GANC: variants seen among roughly 807,000 people sequenced by gnomAD.
The protein encoded by GANC is glucosidase alpha, neutral C.
GANC carries 117 observed loss-of-function variants against 124.2 expected under a neutral mutation model. The observed-to-expected ratio is 0.94, with a 90% CI of 0.81 to 1.10. GANC has a LOEUF of 1.10. Among genes scored for constraint, GANC ranks in the 50% least tolerant of loss-of-function variants. The pLI, the probability that GANC is intolerant of heterozygous loss-of-function variation, is 0.00. For synonymous variants in GANC, 377 were observed against 376.8 expected, an observed-to-expected ratio of 1.00 and a Z score of -0.01; for missense variants, 1,140 against 1,095.0, an observed-to-expected ratio of 1.04 and a Z score of -0.58.
In GANC at chr15:42,274,437, C is replaced by A. The variant is rs767951514; in HGVS notation, c.-45C>A. The A allele has an allele frequency of 4.4e-6, 7 of 1,600,958 alleles. No homozygotes were observed. The highest frequency in any genetic ancestry group is 1.3e-5 in the African/African-American group (1 of 74,758). On this transcript the variant is annotated 5_prime_UTR_variant, in exon 1 of 24. Transcript: ENST00000318010. ...GGCTTTTTTAAAAGATCGCCCAGGG[C>A]CCTTGTCCTGAGAGCTGGGAGCTGG...
At chr15:42,333,132 A>G (rs1045562972) in intron 15 of GANC, among the ~76,000 whole-genome samples, 15 of 151,562 alleles carry the variant, frequency 9.9e-5, no homozygotes, top group African/African-American at 3.6e-4. Context: ...GTTTGAGACC[A>G]GCCTGGGCAA....
intron 10 of GANC, among the ~76,000 whole-genome samples, chr15:42,312,056 A>G (rs1192360074): frequency 1.3e-5 from 2 of 152,190 alleles, no homozygotes; most frequent in Non-Finnish European, 2.9e-5. Context: ...AAGACATCCC[A>G]TGTTCATAGG....
chr15:42,304,305 C>T (rs2051973472), intron 6 of GANC, among the ~76,000 whole-genome samples: 2 of 152,084 alleles, frequency 1.3e-5, no homozygotes, highest in Non-Finnish European at 2.9e-5. Context: ...TCTTTGAAAC[C>T]AATGAGAACA....
chr15:42,339,358 AGT>A lies in GANC; in HGVS notation c.1844-310_1844-309del, dbSNP rs1313971444. ...CACACACACACACACACACACACAC[AGT>A]TATTTAATCAGGCAGACATTTTTCA... On this transcript the variant is annotated intron_variant, in intron 16 of 23. Transcript: ENST00000318010. Among the ~76,000 whole-genome samples, 420 of 141,996 alleles carry A rather than the reference AGT, an allele frequency of 3.0e-3. 4 individuals are homozygous for A. The highest frequency in any genetic ancestry group is 0.01 in the African/African-American group (395 of 37,998). The allele number at this position is 141,996 out of a possible 152,430, so 93.2% of individuals were successfully genotyped here.
At chr15:42,347,669 C>T (rs190976686) in intron 20 of GANC, among the ~76,000 whole-genome samples, 88 of 152,338 alleles carry the variant, frequency 5.8e-4, no homozygotes, top group African/African-American at 2.1e-3. Flanking sequence ...TATACATACA[C>T]ACATACACAG....
At chr15:42,296,735 C>T (rs1418677589) in intron 5 of GANC, among the ~76,000 whole-genome samples, 2 of 151,802 alleles carry the variant, frequency 1.3e-5, no homozygotes, top group Non-Finnish European at 2.9e-5. Context: ...GTATGAATTC[C>T]CAAACAACAT....
At position 42,321,972 on chromosome 15, in the gene GANC, C is replaced by G. The variant is rs370223784; in HGVS notation, c.1245C>G (p.Phe415Leu). Residue 415 changes from phenylalanine to leucine, a missense_variant, in exon 11 of 24, where the codon TTC becomes TTG. Transcript: ENST00000318010. ...ACTTCACCTGGGACAAAAACAGATT[C>G]CCAAACCCCAAGAGGATGCAAGAGC... ...KRYFTWDKNR[F>L]PNPKRMQELL... The G allele has an allele frequency of 1.2e-6, 2 of 1,613,926 alleles. No homozygotes were observed. Among genetic ancestry groups the G allele is most frequent in the East Asian group, 2.2e-5 (1 of 44,816 alleles).
chr15:42,345,744 C>G lies in GANC; in HGVS notation c.2230-14C>G, dbSNP rs143097315. On this transcript the variant is annotated splice_polypyrimidine_tract_variant and intron_variant, in intron 19 of 23. Coordinates refer to ENST00000318010, the MANE Select transcript of GANC (RefSeq NM_198141.3). ...CTTATGTACTCTTTTTTACTGGACT[C>G]TGTTACTTTCTAGGTCTGGTATGAC... 1 of 1,577,626 alleles carries G rather than the reference C, an allele frequency of 6.3e-7. No individual in the cohort carries two copies. Among genetic ancestry groups the G allele is most frequent in the East Asian group, 2.2e-5 (1 of 44,632 alleles).
In GANC at chr15:42,310,465, TGA is replaced by T; in HGVS notation, c.903+4_903+5del. On this transcript the variant is annotated splice_donor_region_variant and intron_variant, in intron 9 of 23. Transcript: ENST00000318010. ...ATCAATACAGAGCCTGCAGTAGAGG[TGA>T]GCTATTTATCATGGCTACATGTCAT... 6.3e-7 allele frequency: 1 copy of T among 1,590,886 alleles called. No homozygotes were observed. The highest frequency in any genetic ancestry group is 8.6e-7 in the Non-Finnish European group (1 of 1,166,484).
rs137914437 is a variant in GANC at position 42,289,709 on chromosome 15, T to C, written c.329+1891T>C. Among the ~76,000 whole-genome samples the C allele has an allele frequency of 5.2e-3, 786 of 152,302 alleles. 7 individuals carry two copies. Among genetic ancestry groups the C allele is most frequent in the Non-Finnish European group, 8.6e-3 (584 of 68,018 alleles). On this transcript the variant is annotated intron_variant, in intron 4 of 23. Transcript: ENST00000318010. Reference sequence around the variant, plus strand: ...GAGGCAGTGAGGATGTATTTACCTATAGAGAATGGGATACTACTGTTACAG... The same window carrying C: ...GAGGCAGTGAGGATGTATTTACCTACAGAGAATGGGATACTACTGTTACAG...
chr15:42,347,082 T>C (rs1249746885), intron 20 of GANC, among the ~76,000 whole-genome samples: 2 of 151,534 alleles, frequency 1.3e-5, no homozygotes, highest in Non-Finnish European at 2.9e-5. Context: ...AGCAAACTTG[T>C]GGCAGAATTG....
At chr15:42,308,430 C>T (rs1192780684) in intron 8 of GANC, 112 bp downstream of exon 8, 2 of 626,254 alleles carry the variant, frequency 3.2e-6, no homozygotes, top group East Asian at 2.6e-5. Context: ...CCTTTTCCTC[C>T]TTTATATTGC....
At chr15:42,308,355 T>G in intron 8 of GANC, 37 bp downstream of exon 8, 1 of 1,362,948 alleles carries the variant, frequency 7.3e-7, no homozygotes, top group Non-Finnish European at 1.0e-6. Flanking sequence ...GAGTCTCTGG[T>G]TTTTGTATTG....
At chr15:42,323,716 T>A (rs759026132) in intron 11 of GANC, among the ~76,000 whole-genome samples, 1 of 152,156 alleles carries the variant, frequency 6.6e-6, no homozygotes, top group Non-Finnish European at 1.5e-5. Flanking sequence ...TTAGCCAGGC[T>A]GGTCTTGAAC....
At chr15:42,300,517 G>A (rs1289253843) in intron 6 of GANC, among the ~76,000 whole-genome samples, 1 of 152,174 alleles carries the variant, frequency 6.6e-6, no homozygotes, top group Admixed American at 6.5e-5. Context: ...ATGTAAATTA[G>A]TCCATTGTGG....
intron 6 of GANC, among the ~76,000 whole-genome samples, chr15:42,301,826 A>G (rs1043549428): frequency 2.6e-5 from 4 of 152,314 alleles, no homozygotes; most frequent in Admixed American, 2.6e-4. Flanking sequence ...TGGGCAGGGC[A>G]TCTCTGAAAG....
At chr15:42,315,882 G>T (rs533953040) in intron 10 of GANC, among the ~76,000 whole-genome samples, 2 of 151,836 alleles carry the variant, frequency 1.3e-5, no homozygotes, top group African/African-American at 4.8e-5. Flanking sequence ...CTCCTCCCTG[G>T]TTTTCTAGTA....
chr15:42,349,568 T>C, intron 22 of GANC, 73 bp downstream of exon 22: 2 of 795,346 alleles, frequency 2.5e-6, no homozygotes, highest in Admixed American at 2.1e-5. Context: ...TCAAATCAAA[T>C]GCACAGGTAT....
chr15:42,308,666 T>C (rs2052021730), intron 8 of GANC, among the ~76,000 whole-genome samples: 1 of 152,168 alleles, frequency 6.6e-6, no homozygotes, highest in Non-Finnish European at 1.5e-5. Flanking sequence ...TTTGTATTTT[T>C]AGTAGAGACA....
Sources: gnomAD v4.1 joint callset for allele counts (sites outside exome capture counted in the v4.1 genomes callset) on GRCh38, gnomAD v4.1.1 for gene constraint, MANE v1.5 for transcripts, NCBI Gene and HGNC (gene_info 2026-07-23, HGNC 2026-07-21) for gene names.